The following RSRC1 variants were observed in gnomAD, a reference collection of about 807,000 sequenced individuals.
RSRC1 encodes the protein serine/Arginine-related protein 53.
RSRC1 carries 39 observed loss-of-function variants against 49.1 expected under a neutral mutation model. That is an observed-to-expected ratio of 0.79 (90% CI 0.61 to 1.04). RSRC1 has a LOEUF of 1.04. Ranked by LOEUF, RSRC1 falls within the 50% of genes least tolerant of loss-of-function variation. RSRC1 has a pLI of 0.00. For synonymous variants in RSRC1, 143 were observed against 130.8 expected, an observed-to-expected ratio of 1.09 and a Z score of -0.63; for missense variants, 388 against 402.4, an observed-to-expected ratio of 0.96 and a Z score of 0.31.
chr3:158,174,757 A>C (rs944573701), intron 3 of RSRC1, among the ~76,000 whole-genome samples: 4 of 152,084 alleles, frequency 2.6e-5, no homozygotes, highest in African/African-American at 9.6e-5. Flanking sequence ...TTATCTTTTA[A>C]CAATGGATAT....
At chr3:158,367,944 GTAAATTGCTTTAC>G (rs1731867122) in intron 6 of RSRC1, among the ~76,000 whole-genome samples, 1 of 152,012 alleles carries the variant, frequency 6.6e-6, no homozygotes, top group African/African-American at 2.4e-5. Context: ...GAATCTCTAA[GTAAATTGCTTTAC>G]TTAAAAAGTG....
chr3:158,198,792 G>A (rs911479420), intron 3 of RSRC1, among the ~76,000 whole-genome samples: 4 of 151,982 alleles, frequency 2.6e-5, no homozygotes, highest in African/African-American at 4.8e-5. Context: ...GTTCGTATTC[G>A]GCCATCTTGG....
intron 3 of RSRC1, among the ~76,000 whole-genome samples, chr3:158,131,493 A>G (rs1297236083): frequency 1.3e-5 from 2 of 152,116 alleles, no homozygotes; most frequent in African/African-American, 2.4e-5. Flanking sequence ...TAATGTGGAT[A>G]TGTTCATTTT....
intron 3 of RSRC1, among the ~76,000 whole-genome samples, chr3:158,169,519 A>G (rs1185873534): frequency 6.6e-6 from 1 of 152,118 alleles, no homozygotes; most frequent in Non-Finnish European, 1.5e-5. Flanking sequence ...TCTACTTTCC[A>G]AATTTATGAA....
chr3:158,197,616 C>T (rs1720718093), intron 3 of RSRC1, among the ~76,000 whole-genome samples: 1 of 152,086 alleles, frequency 6.6e-6, no homozygotes, highest in South Asian at 2.1e-4. Context: ...CCTGCTTTCT[C>T]TTGTGGGCAT....
Position 158,203,905 on chromosome 3 carries a change from C to T in RSRC1, c.494+660C>T, listed in dbSNP as rs538777196. 2.0e-5 allele frequency among the ~76,000 whole-genome samples: 3 copies of T among 152,224 alleles called. No individual in the cohort carries two copies. In the South Asian group the frequency reaches 6.2e-4, roughly 32 times the overall value. On this transcript the variant is annotated intron_variant, in intron 4 of 9. Coordinates refer to ENST00000611884, the MANE Select transcript of RSRC1 (RefSeq NM_001271838.2). ...CATAAGTGTTTGTCAAATTAGAAAA[C>T]ATTAAAATGAAACAATCTTTTTTAA... is the stretch of plus-strand genomic sequence containing the variant.
intron 3 of RSRC1, among the ~76,000 whole-genome samples, chr3:158,180,756 C>G (rs539055650): frequency 1.3e-5 from 2 of 149,200 alleles, no homozygotes; most frequent in African/African-American, 2.5e-5. Flanking sequence ...GTGTGAGCCA[C>G]TGTGCTTAAA....
At chr3:158,477,212 T>C (rs909744955) in intron 7 of RSRC1, among the ~76,000 whole-genome samples, 13 of 152,166 alleles carry the variant, frequency 8.5e-5, no homozygotes, top group Non-Finnish European at 1.5e-4. Context: ...CAACAAAGGC[T>C]GTGGAGCATT....
At chr3:158,123,767 AG>A in intron 2 of RSRC1, 98 bp from the exon 3 acceptor site, 3 of 1,116,850 alleles carry the variant, frequency 2.7e-6, no homozygotes, top group South Asian at 3.1e-5. Context: ...ACAGTGAGAC[AG>A]TAAAAATCAG....
intron 4 of RSRC1, among the ~76,000 whole-genome samples, chr3:158,227,231 C>T (rs1722578498): frequency 6.6e-6 from 1 of 151,850 alleles, no homozygotes; most frequent in South Asian, 2.1e-4. Context: ...AGACTTGTGT[C>T]CTAGTCCAAG....
At chr3:158,164,644 G>A (rs1169632694) in intron 3 of RSRC1, among the ~76,000 whole-genome samples, 1 of 152,030 alleles carries the variant, frequency 6.6e-6, no homozygotes. Flanking sequence ...TGAAATATTG[G>A]TGATCCCAGG....
intron 4 of RSRC1, among the ~76,000 whole-genome samples, chr3:158,242,958 C>T (rs1723677530): frequency 6.6e-6 from 1 of 152,096 alleles, no homozygotes; most frequent in South Asian, 2.1e-4. Flanking sequence ...AGACCCTTGT[C>T]AGATGGGTAG....
At chr3:158,175,534 C>G (rs539934572) in intron 3 of RSRC1, among the ~76,000 whole-genome samples, 2 of 151,692 alleles carry the variant, frequency 1.3e-5, no homozygotes, top group Non-Finnish European at 1.5e-5. Flanking sequence ...TTGAAAAGAC[C>G]TTCCTTTTTT....
At chr3:158,294,776 T>G (rs1727146851) in intron 4 of RSRC1, among the ~76,000 whole-genome samples, 1 of 152,108 alleles carries the variant, frequency 6.6e-6, no homozygotes, top group South Asian at 2.1e-4. Flanking sequence ...ACCTGTGCCT[T>G]CCTCCTAATA....
intron 7 of RSRC1, among the ~76,000 whole-genome samples, chr3:158,509,181 G>A (rs1453675020): frequency 1.3e-5 from 2 of 152,156 alleles, no homozygotes; most frequent in Non-Finnish European, 2.9e-5. Flanking sequence ...TGTGTAGGAT[G>A]TGAAAGATCC....
chr3:158,410,004 GAAACATTTGTGAA>G (rs1193958306), intron 6 of RSRC1, among the ~76,000 whole-genome samples: 2 of 151,902 alleles, frequency 1.3e-5, no homozygotes, highest in African/African-American at 4.8e-5. Context: ...ACAATTCTAG[GAAACATTTGTGAA>G]AGGATATAGG....
intron 3 of RSRC1, among the ~76,000 whole-genome samples, chr3:158,169,262 C>A (rs1214280297): frequency 1.3e-5 from 2 of 152,126 alleles, no homozygotes; most frequent in Non-Finnish European, 2.9e-5. Flanking sequence ...GCTAACCCTT[C>A]CGTTTTTGAG....
intron 4 of RSRC1, among the ~76,000 whole-genome samples, chr3:158,228,323 C>T (rs528446652): frequency 6.6e-6 from 1 of 151,770 alleles, no homozygotes; most frequent in Non-Finnish European, 1.5e-5. Context: ...AATTTCAGGC[C>T]CTCTTTTTCT....
At chr3:158,427,376 A>T (rs1735506821) in intron 6 of RSRC1, among the ~76,000 whole-genome samples, 1 of 151,846 alleles carries the variant, frequency 6.6e-6, no homozygotes, top group South Asian at 2.1e-4. Context: ...TAACGCAGTT[A>T]TTCAAAATCC....
Sources: gnomAD v4.1 joint callset for allele counts (sites outside exome capture counted in the v4.1 genomes callset) on GRCh38, gnomAD v4.1.1 for gene constraint, MANE v1.5 for transcripts, NCBI Gene and HGNC (gene_info 2026-07-23, HGNC 2026-07-21) for gene names.